The following NPAS3 variants were observed in gnomAD, a reference collection of about 807,000 sequenced individuals.
NPAS3 encodes neuronal PAS domain-containing protein 3.
NPAS3 carries 14 observed loss-of-function variants against 73.1 expected under a neutral mutation model. The observed-to-expected ratio is 0.19, with a 90% CI of 0.13 to 0.30. The LOEUF (loss-of-function observed/expected upper bound fraction) is 0.30, where lower values mean the gene tolerates loss of function less well. Ranked by LOEUF, NPAS3 falls within the 10% of genes least tolerant of loss-of-function variation. NPAS3 has a pLI of 1.00. For synonymous variants in NPAS3, 620 were observed against 541.5 expected (o/e 1.14, Z -2.01); for missense variants, 1,096 against 1,250.0 (o/e 0.88, Z 1.86).
chr14:33,191,713 A>G (rs2046177173), intron 2 of NPAS3, among the ~76,000 whole-genome samples: 1 of 152,254 alleles, frequency 6.6e-6, no homozygotes, highest in African/African-American at 2.4e-5. Flanking sequence ...AATTAAAATT[A>G]TTCTTAGGAA....
chr14:32,983,941 C>G (rs774112166), intron 1 of NPAS3, among the ~76,000 whole-genome samples: 1 of 152,084 alleles, frequency 6.6e-6, no homozygotes, highest in Admixed American at 6.6e-5. Flanking sequence ...AGGCTGGTCT[C>G]GAACTCCTGA....
intron 2 of NPAS3, among the ~76,000 whole-genome samples, chr14:33,072,805 G>A (rs2041531314): frequency 6.6e-6 from 1 of 152,130 alleles, no homozygotes; most frequent in Non-Finnish European, 1.5e-5. Context: ...GAAATTATAG[G>A]TAATGAATTT....
At chr14:33,796,601 T>C (rs1469091680) in intron 10 of NPAS3, among the ~76,000 whole-genome samples, 2 of 152,172 alleles carry the variant, frequency 1.3e-5, no homozygotes, top group Non-Finnish European at 2.9e-5. Flanking sequence ...GCATTTCCCA[T>C]TTTGAAGCAG....
chr14:32,971,936 C>CTTTTTTT (rs66998179), intron 1 of NPAS3, among the ~76,000 whole-genome samples: 3 of 112,940 alleles, frequency 2.7e-5, no homozygotes, highest in Non-Finnish European at 5.3e-5. Flanking sequence ...CAGTGGGACT[C>CTTTTTTT]TTTTTTTTTT....
chr14:33,251,224 G>A (rs558730698), intron 3 of NPAS3, among the ~76,000 whole-genome samples: 10 of 152,180 alleles, frequency 6.6e-5, no homozygotes, highest in South Asian at 6.2e-4. Context: ...TTTCCTAGCC[G>A]TTTTCCTTTT....
intron 2 of NPAS3, among the ~76,000 whole-genome samples, chr14:33,075,895 A>C (rs1440834869): frequency 6.6e-6 from 1 of 152,202 alleles, no homozygotes; most frequent in Non-Finnish European, 1.5e-5. Context: ...GATTATATTA[A>C]AAAATTAAAC....
chr14:33,619,248 T>C (rs2058011554), intron 5 of NPAS3, among the ~76,000 whole-genome samples: 1 of 152,186 alleles, frequency 6.6e-6, no homozygotes, highest in Non-Finnish European at 1.5e-5. Context: ...TCATAATATA[T>C]AATTTAAATT....
At chr14:33,528,499 G>A (rs925604877) in intron 4 of NPAS3, among the ~76,000 whole-genome samples, 2 of 151,894 alleles carry the variant, frequency 1.3e-5, no homozygotes, top group Admixed American at 6.6e-5. Flanking sequence ...CAAAGAGGAG[G>A]GAGTGGTCGT....
intron 1 of NPAS3, among the ~76,000 whole-genome samples, chr14:32,998,980 T>C (rs896981936): frequency 6.6e-6 from 1 of 152,172 alleles, no homozygotes; most frequent in African/African-American, 2.4e-5. Flanking sequence ...CACTGTGTGC[T>C]TCATCAGGGC....
intron 2 of NPAS3, among the ~76,000 whole-genome samples, chr14:33,141,790 T>C (rs1396328360): frequency 6.6e-6 from 1 of 152,180 alleles, no homozygotes; most frequent in African/African-American, 2.4e-5. Flanking sequence ...GATATGAGAA[T>C]AGAATTGGGA....
At chr14:32,989,902 A>G (rs1368704116) in intron 1 of NPAS3, among the ~76,000 whole-genome samples, 1 of 152,182 alleles carries the variant, frequency 6.6e-6, no homozygotes, top group Admixed American at 6.5e-5. Flanking sequence ...TCTTGCAGTT[A>G]TTCCAGGCAA....
At chr14:33,464,273 A>G (rs1470580743) in intron 4 of NPAS3, among the ~76,000 whole-genome samples, 3 of 152,210 alleles carry the variant, frequency 2.0e-5, no homozygotes, top group Admixed American at 6.5e-5. Flanking sequence ...TAGTGAAGCT[A>G]GCATGTGTAT....
intron 4 of NPAS3, among the ~76,000 whole-genome samples, chr14:33,378,227 A>C (rs1300969072): frequency 6.6e-6 from 1 of 152,196 alleles, no homozygotes; most frequent in Non-Finnish European, 1.5e-5. Context: ...GTATTAGCTG[A>C]GATACAACAC....
At chr14:33,373,322 C>T (rs2046173956) in intron 4 of NPAS3, among the ~76,000 whole-genome samples, 1 of 151,468 alleles carries the variant, frequency 6.6e-6, no homozygotes, top group Non-Finnish European at 1.5e-5. Flanking sequence ...CAAGTTAAAC[C>T]TAGTACATGG....
At chr14:33,366,981 A>G (rs1273827567) in intron 3 of NPAS3, among the ~76,000 whole-genome samples, 1 of 152,138 alleles carries the variant, frequency 6.6e-6, no homozygotes, top group African/African-American at 2.4e-5. Flanking sequence ...TGATGTTTCT[A>G]GAAGTCGATA....
At chr14:33,781,100 C>G (rs1261795487) in intron 9 of NPAS3, among the ~76,000 whole-genome samples, 1 of 152,132 alleles carries the variant, frequency 6.6e-6, no homozygotes, top group East Asian at 1.9e-4. Context: ...TCCACAATGT[C>G]AAGTAGCACA....
chr14:33,054,115 A>G (rs1395426812), intron 1 of NPAS3, among the ~76,000 whole-genome samples: 3 of 152,186 alleles, frequency 2.0e-5, no homozygotes. Flanking sequence ...TGCAAACTTA[A>G]TGGCCAAAAT....
chr14:33,656,965 G>A (rs910420368), intron 5 of NPAS3, among the ~76,000 whole-genome samples: 4 of 152,112 alleles, frequency 2.6e-5, no homozygotes, highest in African/African-American at 9.7e-5. Flanking sequence ...CCAAGATACG[G>A]AATCAACCTA....
At chr14:33,598,700 G>A (rs754591107) in intron 5 of NPAS3, among the ~76,000 whole-genome samples, 45 of 152,212 alleles carry the variant, frequency 3.0e-4, no homozygotes, top group African/African-American at 7.7e-4. Flanking sequence ...TGGGTTTTGT[G>A]GCCGATGGCT....
Sources: gnomAD v4.1 joint callset for allele counts (sites outside exome capture counted in the v4.1 genomes callset) on GRCh38, gnomAD v4.1.1 for gene constraint, MANE v1.5 for transcripts, NCBI Gene and HGNC (gene_info 2026-07-23, HGNC 2026-07-21) for gene names.